CHCHD3: variants seen among roughly 807,000 people sequenced by gnomAD.
The protein encoded by CHCHD3 is coiled-coil-helix-coiled-coil-helix domain containing 3, also known as MICOS complex subunit MIC19.
Under a neutral mutation model 38.2 loss-of-function variants are expected in CHCHD3, and 20 were observed. That is an observed-to-expected ratio of 0.52 (90% CI 0.37 to 0.76). The LOEUF is 0.76. CHCHD3 is among the 30% of genes least tolerant of loss of function. The pLI is 0.00. For synonymous variants in CHCHD3, 82 were observed against 100.0 expected, an observed-to-expected ratio of 0.82 and a Z score of 1.07; for missense variants, 245 against 279.2, an observed-to-expected ratio of 0.88 and a Z score of 0.87.
intron 3 of CHCHD3, among the ~76,000 whole-genome samples, chr7:133,003,078 G>A (rs925095487): frequency 2.0e-5 from 3 of 152,068 alleles, no homozygotes; most frequent in East Asian, 1.9e-4. Context: ...AGGTCAATTC[G>A]GATAGTTTAT....
intron 4 of CHCHD3, among the ~76,000 whole-genome samples, chr7:132,938,885 C>T (rs2117267214): frequency 6.6e-6 from 1 of 152,224 alleles, no homozygotes; most frequent in South Asian, 2.1e-4. Flanking sequence ...AAGTTGAGTG[C>T]ATGTTTGGGA....
intron 5 of CHCHD3, among the ~76,000 whole-genome samples, chr7:132,884,564 T>A (rs1353827623): frequency 1.3e-5 from 2 of 152,202 alleles, no homozygotes; most frequent in Admixed American, 6.5e-5. Flanking sequence ...ATTTAACATA[T>A]ACATAACTGT....
At chr7:132,903,124 G>T (rs905735139) in intron 4 of CHCHD3, among the ~76,000 whole-genome samples, 1 of 152,156 alleles carries the variant, frequency 6.6e-6, no homozygotes, top group African/African-American at 2.4e-5. Context: ...GCAAGGGATT[G>T]GTTCCACAAC....
At chr7:133,027,940 C>G (rs146415987) in intron 2 of CHCHD3, among the ~76,000 whole-genome samples, 1 of 152,136 alleles carries the variant, frequency 6.6e-6, no homozygotes, top group African/African-American at 2.4e-5. Flanking sequence ...TTTAGTTTCC[C>G]CACCTAAAAA....
In CHCHD3 at chr7:132,985,134, C is replaced by G. The variant is rs534134421; in HGVS notation, c.252-9848G>C. Among the ~76,000 whole-genome samples, 65 of 86,310 alleles carry G rather than the reference C, an allele frequency of 7.5e-4. 7 individuals carry two copies. Among genetic ancestry groups the G allele is most frequent in the African/African-American group, 2.6e-3 (59 of 22,788 alleles). 56.6% of individuals were successfully genotyped at this position (86,310 alleles called of 152,430 possible). A position where few individuals can be genotyped will look rare whatever the true frequency, so the allele number is the denominator to read the frequency against. Reference sequence around the variant, plus strand: ...CCGGGAGGTGAGGGGCGCCTCTGCCCGGCCGCCCCTACTGGGAAGTGAGGA... The same window carrying G: ...CCGGGAGGTGAGGGGCGCCTCTGCCGGGCCGCCCCTACTGGGAAGTGAGGA... On this transcript the variant is annotated intron_variant, in intron 3 of 7. Transcript: ENST00000262570.
intron 2 of CHCHD3, among the ~76,000 whole-genome samples, chr7:133,062,725 A>C (rs1285503566): frequency 6.6e-6 from 1 of 152,156 alleles, no homozygotes; most frequent in African/African-American, 2.4e-5. Context: ...CCACGACATT[A>C]CTATATTTCT....
chr7:132,962,218 G>A (rs920042120), intron 4 of CHCHD3, among the ~76,000 whole-genome samples: 17 of 152,050 alleles, frequency 1.1e-4, no homozygotes, highest in African/African-American at 4.1e-4. Flanking sequence ...TTTCTAAAAT[G>A]GACTTTTTTA....
intron 5 of CHCHD3, among the ~76,000 whole-genome samples, chr7:132,846,334 G>T (rs1238788857): frequency 6.6e-6 from 1 of 152,248 alleles, no homozygotes; most frequent in Admixed American, 6.5e-5. Context: ...CTATGGTGAG[G>T]ACAGCCTAGA....
At chr7:133,031,903 T>C (rs1411110731) in intron 2 of CHCHD3, among the ~76,000 whole-genome samples, 1 of 152,198 alleles carries the variant, frequency 6.6e-6, no homozygotes, top group Non-Finnish European at 1.5e-5. Context: ...GAAATACTCA[T>C]TAATCTTATA....
chr7:132,833,310 TAAG>T (rs1374062606), intron 6 of CHCHD3, among the ~76,000 whole-genome samples: 1 of 152,186 alleles, frequency 6.6e-6, no homozygotes, highest in African/African-American at 2.4e-5. Context: ...AGGTTACATA[TAAG>T]AAGAATGCTG....
intron 2 of CHCHD3, among the ~76,000 whole-genome samples, chr7:133,069,331 G>T: frequency 6.6e-6 from 1 of 151,876 alleles, no homozygotes; most frequent in Admixed American, 6.6e-5. Context: ...GGTCACAATT[G>T]GCCCAAGTGA....
intron 3 of CHCHD3, among the ~76,000 whole-genome samples, chr7:133,003,631 T>C (rs1234833641): frequency 6.6e-6 from 1 of 152,186 alleles, no homozygotes; most frequent in Non-Finnish European, 1.5e-5. Context: ...TGACAATGCA[T>C]TGCAATTTAC....
chr7:132,982,951 T>A (rs1811957770), intron 3 of CHCHD3, among the ~76,000 whole-genome samples: 1 of 152,330 alleles, frequency 6.6e-6, no homozygotes, highest in East Asian at 1.9e-4. Flanking sequence ...TTAAAGTATG[T>A]CATGAATGCA....
intron 6 of CHCHD3, among the ~76,000 whole-genome samples, chr7:132,823,035 C>T (rs1200750033): frequency 6.6e-6 from 1 of 152,122 alleles, no homozygotes; most frequent in Non-Finnish European, 1.5e-5. Context: ...TATAGTCTTA[C>T]ACTCTGTGAA....
intron 5 of CHCHD3, among the ~76,000 whole-genome samples, chr7:132,871,182 T>C (rs546659249): frequency 6.6e-6 from 1 of 152,352 alleles, no homozygotes; most frequent in Non-Finnish European, 1.5e-5. Context: ...TCCATAAATT[T>C]AGTTACTTTA....
intron 6 of CHCHD3, among the ~76,000 whole-genome samples, chr7:132,831,085 T>G (rs1807637220): frequency 6.6e-6 from 1 of 152,208 alleles, no homozygotes; most frequent in Admixed American, 6.5e-5. Context: ...GAAGCCCTGT[T>G]CTTCCTGTAA....
chr7:132,812,272 AATCTCACCTCACT>A, intron 6 of CHCHD3, among the ~76,000 whole-genome samples: 1 of 127,864 alleles, frequency 7.8e-6, no homozygotes, highest in East Asian at 2.4e-4. Context: ...GCAGTGGTGC[AATCTCACCTCACT>A]GCAACCTCTG....
At position 133,035,755 on chromosome 7, in the gene CHCHD3, C is replaced by T. The variant is rs779567226; in HGVS notation, c.170-11128G>A. 9.3e-6 allele frequency: 15 copies of T among 1,613,308 alleles called. No individual in the cohort carries two copies. The highest frequency in any genetic ancestry group is 1.2e-5 in the Non-Finnish European group (14 of 1,179,382). On this transcript the variant is annotated intron_variant, in intron 2 of 7. Coordinates refer to ENST00000262570, the MANE Select transcript of CHCHD3 (RefSeq NM_017812.4). This position sits in a 1 kb window ranked among gnomAD's most constrained non-coding sequence, Gnocchi z 4.7. Reference sequence around the variant, plus strand: ...TCACCCTCAAATGCTGGGACCTTGCCGGCAGGAAATTTGCGAAGAAATTCA... The same window carrying T: ...TCACCCTCAAATGCTGGGACCTTGCTGGCAGGAAATTTGCGAAGAAATTCA...
intron 6 of CHCHD3, among the ~76,000 whole-genome samples, chr7:132,796,966 G>A (rs1031274092): frequency 2.0e-5 from 3 of 152,080 alleles, no homozygotes; most frequent in Non-Finnish European, 2.9e-5. Context: ...ACTCACTGTC[G>A]TTACATTGCT....
Sources: gnomAD v4.1 joint callset for allele counts (sites outside exome capture counted in the v4.1 genomes callset) on GRCh38, gnomAD v4.1.1 for gene constraint, Gnocchi (gnomAD v3.1) non-coding constraint, MANE v1.5 for transcripts, NCBI Gene and HGNC (gene_info 2026-07-23, HGNC 2026-07-21) for gene names.